RIMS2: variants seen among roughly 807,000 people sequenced by gnomAD.
RIMS2 encodes the protein regulating synaptic membrane exocytosis protein 2.
RIMS2 carries 59 observed loss-of-function variants against 174.4 expected under a neutral mutation model. That is an observed-to-expected ratio of 0.34 (90% CI 0.27 to 0.42). The LOEUF (loss-of-function observed/expected upper bound fraction) is 0.42. Among genes scored for constraint, RIMS2 ranks in the 10% least tolerant of loss-of-function variants. RIMS2 has a pLI of 1.00. For missense variants in RIMS2, 1,620 were observed against 1,666.3 expected (o/e 0.97, Z 0.48); for synonymous variants, 606 against 572.5 (o/e 1.06, Z -0.84).
At chr8:103,884,401 A>G (rs1319510329) in intron 3 of RIMS2, among the ~76,000 whole-genome samples, 2 of 151,902 alleles carry the variant, frequency 1.3e-5, no homozygotes, top group Non-Finnish European at 2.9e-5. Flanking sequence ...TTCATGATTA[A>G]TAGTTGATAT....
At position 103,788,842 on chromosome 8, in the gene RIMS2, G is replaced by A. The variant is rs1266564690; in HGVS notation, c.698+22305G>A. On this transcript the variant is annotated intron_variant, in intron 3 of 23. Coordinates refer to ENST00000504942, the Ensembl canonical transcript of RIMS2. ...CTGCTTTGTTTATCTAAGCAAGCCT[G>A]GGCAATGGCGGGCGCCCCTCCCCCA... Among the ~76,000 whole-genome samples, 16 of 152,330 alleles carry A rather than the reference G, an allele frequency of 1.1e-4. No homozygotes were observed. The East Asian group carries it at 3.1e-3, about 29-fold the overall frequency.
chr8:104,148,940 G>A, intron 19 of RIMS2, 92 bp downstream of exon 25: 4 of 1,274,242 alleles, frequency 3.1e-6, no homozygotes, highest in Non-Finnish European at 4.4e-6. Flanking sequence ...GCAGTAATGT[G>A]TGGATGATGA....
At position 103,534,953 on chromosome 8, in the gene RIMS2, G is replaced by A. The variant is rs140078689; in HGVS notation, c.176+33891G>A. The stretch of plus-strand genomic sequence containing the variant: ...AAAAAATACCAGTTGAGACTTATTT[G>A]AAATCTTTACATTGTATTGATTTTC... On this transcript the variant is annotated intron_variant, in intron 1 of 23. Coordinates refer to ENST00000504942, the Ensembl canonical transcript of RIMS2. Among the ~76,000 whole-genome samples, 194 of 152,254 alleles carry A rather than the reference G, an allele frequency of 1.3e-3. 2 individuals carry two copies. The highest frequency in any genetic ancestry group is 4.3e-3 in the African/African-American group (180 of 41,550).
At chr8:104,074,196 T>C (rs927533073) in intron 19 of RIMS2, among the ~76,000 whole-genome samples, 2 of 152,194 alleles carry the variant, frequency 1.3e-5, no homozygotes, top group Non-Finnish European at 2.9e-5. Flanking sequence ...AAGTCAGGAA[T>C]ACTTTAAGTC....
intron 14 of RIMS2, among the ~76,000 whole-genome samples, chr8:103,949,607 AT>A (rs1357580834): frequency 6.6e-6 from 1 of 152,152 alleles, no homozygotes; most frequent in Non-Finnish European, 1.5e-5. Flanking sequence ...TGAACACCTA[AT>A]GTATCGATAT....
intron 19 of RIMS2, among the ~76,000 whole-genome samples, chr8:104,137,807 T>C (rs894413257): frequency 3.9e-5 from 6 of 152,200 alleles, no homozygotes; most frequent in African/African-American, 1.4e-4. Flanking sequence ...TATACTCTTT[T>C]AGTTATTTTT....
At chr8:103,569,403 T>G (rs538284807) in intron 1 of RIMS2, among the ~76,000 whole-genome samples, 131 of 152,316 alleles carry the variant, frequency 8.6e-4, no homozygotes, top group African/African-American at 3.1e-3. Context: ...AAAAGCTAAC[T>G]TGGATTTCAA....
At chr8:104,104,882 G>GA (rs199647482) in intron 19 of RIMS2, among the ~76,000 whole-genome samples, 8,835 of 116,316 alleles carry the variant, frequency 0.076, 826 homozygotes, top group African/African-American at 0.24. Flanking sequence ...CCTGTCTCAA[G>GA]AAAAAAAAAA....
chr8:103,869,101 T>C (rs1451394814), intron 3 of RIMS2, among the ~76,000 whole-genome samples: 1 of 152,122 alleles, frequency 6.6e-6, no homozygotes, highest in African/African-American at 2.4e-5. Context: ...TGAGGAGTGT[T>C]CACATTGTGT....
intron 4 of RIMS2, among the ~76,000 whole-genome samples, chr8:103,892,299 CT>C (rs1424581561): frequency 2.0e-5 from 3 of 151,666 alleles, no homozygotes; most frequent in Middle Eastern, 3.2e-3. Context: ...ACCTCTTGGG[CT>C]CAAGAAATCC....
chr8:103,641,433 T>C (rs1328456515), intron 1 of RIMS2, among the ~76,000 whole-genome samples: 2 of 152,170 alleles, frequency 1.3e-5, no homozygotes, highest in Non-Finnish European at 2.9e-5. Context: ...TTGTAAACTA[T>C]TATTACTGTA....
At chr8:103,726,937 C>T (rs1363259349) in intron 2 of RIMS2, among the ~76,000 whole-genome samples, 1 of 151,254 alleles carries the variant, frequency 6.6e-6, no homozygotes, top group East Asian at 1.9e-4. Flanking sequence ...CGGGGTTTCA[C>T]CATGTTGGCC....
chr8:103,589,498 A>G (rs1227783050), intron 1 of RIMS2, among the ~76,000 whole-genome samples: 6 of 151,694 alleles, frequency 4.0e-5, no homozygotes, highest in African/African-American at 1.2e-4. Context: ...AATTAGTACA[A>G]CCATTATGGA....
chr8:103,615,507 A>C (rs1218716492), intron 1 of RIMS2, among the ~76,000 whole-genome samples: 2 of 152,222 alleles, frequency 1.3e-5, no homozygotes, highest in Non-Finnish European at 2.9e-5. Context: ...AAGCTAGCAG[A>C]AGATGAGAAA....
exon 23 of RIMS2, chr8:104,251,138 A>G (rs1313664361): frequency 6.2e-7 from 1 of 1,612,592 alleles, no homozygotes; most frequent in South Asian, 1.1e-5. Flanking sequence ...TCTTTCGAAG[A>G]GAGTCCACAA....
chr8:104,169,341 A>AT (rs1563510137), intron 19 of RIMS2, among the ~76,000 whole-genome samples: 2,072 of 32,938 alleles, frequency 0.063, 18 homozygotes, highest in Non-Finnish European at 0.074. Flanking sequence ...TATATATATA[A>AT]AACAGATTCA....
chr8:103,680,589 A>G (rs2096867950), intron 1 of RIMS2, among the ~76,000 whole-genome samples: 1 of 152,054 alleles, frequency 6.6e-6, no homozygotes, highest in Non-Finnish European at 1.5e-5. Flanking sequence ...TAGCAAAATT[A>G]ACAGACTGAG....
chr8:103,818,081 T>G (rs2098729109), intron 3 of RIMS2, among the ~76,000 whole-genome samples: 1 of 152,088 alleles, frequency 6.6e-6, no homozygotes, highest in South Asian at 2.1e-4. Flanking sequence ...CATCTTATTT[T>G]AAAAAATGGT....
chr8:103,722,548 T>A (rs901190870), intron 2 of RIMS2, among the ~76,000 whole-genome samples: 1 of 152,084 alleles, frequency 6.6e-6, no homozygotes, highest in African/African-American at 2.4e-5. Flanking sequence ...CCTGTGAGAA[T>A]CTAATGCCGA....
Sources: allele counts gnomAD v4.1 joint callset (sites outside exome capture counted in the v4.1 genomes callset), GRCh38; gene constraint gnomAD v4.1.1; transcripts MANE v1.5; gene names NCBI Gene and HGNC (gene_info 2026-07-23, HGNC 2026-07-21).